CNTNAP5: variants seen among roughly 807,000 people sequenced by gnomAD.
CNTNAP5 encodes contactin associated protein family member 5.
A neutral mutation model predicts 150.2 loss-of-function variants in CNTNAP5; 72 were observed. The observed-to-expected ratio is 0.48, with a 90% CI of 0.40 to 0.58. The LOEUF is 0.58. CNTNAP5 is among the 20% of genes least tolerant of loss of function. The pLI is 0.00. For missense variants in CNTNAP5, 1,636 were observed against 1,626.2 expected (o/e 1.01, Z -0.10); for synonymous variants, 672 against 619.8 (o/e 1.08, Z -1.25).
chr2:124,547,241 C>T (rs999971706), intron 10 of CNTNAP5, among the ~76,000 whole-genome samples: 2 of 152,028 alleles, frequency 1.3e-5, no homozygotes, highest in African/African-American at 4.8e-5. Context: ...ACATCAGCCA[C>T]AGGAGTAGCA....
Position 124,145,846 on chromosome 2 carries a change from A to AAAT in CNTNAP5, c.83-75859_83-75858insAAT, listed in dbSNP as rs1684238676. Among the ~76,000 whole-genome samples, 8 of 145,324 alleles carry AAAT rather than the reference A, an allele frequency of 5.5e-5. No individual in the cohort carries two copies. In the South Asian group the frequency reaches 1.8e-3, roughly 32 times the overall value. Reference sequence around the variant, plus strand: ...AAAAAAAAGAAGAAAAAAAAAAAAAATAAAATATATTTAATGGGATTTGGA... The same window carrying AAAT: ...AAAAAAAAGAAGAAAAAAAAAAAAAAAATTAAAATATATTTAATGGGATTTGGA... On this transcript the variant is annotated intron_variant, in intron 1 of 23. Coordinates refer to ENST00000682447, the MANE Select transcript of CNTNAP5 (RefSeq NM_001367498.1).
At chr2:124,713,268 TC>T (rs1679856557) in intron 13 of CNTNAP5, among the ~76,000 whole-genome samples, 4 of 125,610 alleles carry the variant, frequency 3.2e-5, no homozygotes, top group Non-Finnish European at 5.3e-5. Context: ...TTTCTTTCTT[TC>T]TTTCTTTCTT....
intron 1 of CNTNAP5, among the ~76,000 whole-genome samples, chr2:124,050,983 G>A (rs1004127591): frequency 6.6e-6 from 1 of 152,076 alleles, no homozygotes; most frequent in Non-Finnish European, 1.5e-5. Flanking sequence ...AATTTTCCTG[G>A]ACTGTAGCAT....
At chr2:124,796,302 T>C (rs918500890) in intron 18 of CNTNAP5, among the ~76,000 whole-genome samples, 2 of 152,240 alleles carry the variant, frequency 1.3e-5, no homozygotes, top group African/African-American at 4.8e-5. Context: ...CAGAATGCTC[T>C]GAATTTTACT....
intron 13 of CNTNAP5, among the ~76,000 whole-genome samples, chr2:124,660,043 A>AAGGAAGAAAGG (rs1558724333): frequency 7.6e-6 from 1 of 130,838 alleles, no homozygotes; most frequent in Non-Finnish European, 1.6e-5. Flanking sequence ...AGGAAGGAAG[A>AAGGAAGAAAGG]AAGGAAGGAA....
At chr2:124,215,712 C>CAAAAAAAAAAAAAAAA (rs397985759) in intron 1 of CNTNAP5, among the ~76,000 whole-genome samples, 1 of 82,060 alleles carries the variant, frequency 1.2e-5, no homozygotes, top group Non-Finnish European at 2.5e-5. Flanking sequence ...AGAAGAAAGG[C>CAAAAAAAAAAAAAAAA]AAAAAAAAAA....
chr2:124,107,881 A>G (rs558573293), intron 1 of CNTNAP5, among the ~76,000 whole-genome samples: 2 of 152,202 alleles, frequency 1.3e-5, no homozygotes, highest in Non-Finnish European at 2.9e-5. Flanking sequence ...TATATGTAAG[A>G]TGTGCATTGG....
intron 2 of CNTNAP5, among the ~76,000 whole-genome samples, chr2:124,237,365 G>T (rs971557872): frequency 1.3e-5 from 2 of 152,128 alleles, no homozygotes; most frequent in African/African-American, 2.4e-5. Context: ...GGAAATAAGT[G>T]TAGAAACTGA....
intron 11 of CNTNAP5, among the ~76,000 whole-genome samples, chr2:124,575,441 G>A (rs1217270843): frequency 6.6e-6 from 1 of 152,046 alleles, no homozygotes; most frequent in Non-Finnish European, 1.5e-5. Flanking sequence ...AACGCTCTTG[G>A]GTCACAAACC....
chr2:124,377,241 T>C (rs10496629), intron 3 of CNTNAP5, among the ~76,000 whole-genome samples: 98,260 of 151,948 alleles, frequency 0.65, 32,294 homozygotes, highest in African/African-American at 0.69. Context: ...TACATTATTT[T>C]TGCTTTAATA....
intron 18 of CNTNAP5, among the ~76,000 whole-genome samples, chr2:124,797,869 C>G (rs563362307): frequency 3.9e-5 from 6 of 152,322 alleles, no homozygotes; most frequent in African/African-American, 1.2e-4. Context: ...TCTGGCTATG[C>G]AACCCTGTTC....
At chr2:124,306,315 G>A (rs1439758127) in intron 3 of CNTNAP5, among the ~76,000 whole-genome samples, 1 of 152,124 alleles carries the variant, frequency 6.6e-6, no homozygotes, top group African/African-American at 2.4e-5. Context: ...TTCACTCCCA[G>A]GCAGATCTTT....
chr2:124,155,961 A>T (rs1406659), intron 1 of CNTNAP5, among the ~76,000 whole-genome samples: 147,511 of 152,292 alleles, frequency 0.97, 71,617 homozygotes, highest in East Asian at 1. Flanking sequence ...CCTTTGCTCC[A>T]CTGGAGATAA....
intron 13 of CNTNAP5, among the ~76,000 whole-genome samples, chr2:124,704,957 C>T (rs1679602514): frequency 6.6e-6 from 1 of 152,168 alleles, no homozygotes; most frequent in Admixed American, 6.5e-5. Flanking sequence ...CTCATGGAGA[C>T]ACTCCTATGT....
At position 124,643,503 on chromosome 2, in the gene CNTNAP5, A is replaced by T. The variant is rs1022055427; in HGVS notation, c.1877-4255A>T. Among the ~76,000 whole-genome samples the T allele has an allele frequency of 2.0e-5, 3 of 152,218 alleles. No homozygotes were observed. The East Asian group carries it at 5.8e-4, about 29-fold the overall frequency. ...ATTCTATAGTGGAAAAAAAAAACTT[A>T]ACAAGGTGGTAATAATTTAGTATAT... is the stretch of plus-strand genomic sequence containing the variant. On this transcript the variant is annotated intron_variant, in intron 12 of 23. Transcript: ENST00000682447.
chr2:124,256,916 AT>A (rs1687328952), intron 3 of CNTNAP5, among the ~76,000 whole-genome samples: 2 of 152,176 alleles, frequency 1.3e-5, no homozygotes, highest in Non-Finnish European at 1.5e-5. Context: ...GTACTTAAGG[AT>A]CTAAAGGCAA....
intron 1 of CNTNAP5, among the ~76,000 whole-genome samples, chr2:124,216,114 A>G (rs1686148844): frequency 6.6e-6 from 1 of 152,186 alleles, no homozygotes; most frequent in Non-Finnish European, 1.5e-5. Context: ...AATGTAAAGC[A>G]AAGTTACGCA....
intron 12 of CNTNAP5, among the ~76,000 whole-genome samples, chr2:124,631,717 C>T (rs1388542227): frequency 6.6e-6 from 1 of 152,128 alleles, no homozygotes; most frequent in Admixed American, 6.6e-5. Flanking sequence ...CAAAAATTGA[C>T]AAATGGGATC....
At chr2:124,436,629 G>C (rs1692537171) in intron 5 of CNTNAP5, among the ~76,000 whole-genome samples, 1 of 152,096 alleles carries the variant, frequency 6.6e-6, no homozygotes. Flanking sequence ...ACTGTGCTAT[G>C]CTGGCTTTTC....
Sources: allele counts gnomAD v4.1 joint callset (sites outside exome capture counted in the v4.1 genomes callset), GRCh38; gene constraint gnomAD v4.1.1; transcripts MANE v1.5; gene names NCBI Gene and HGNC (gene_info 2026-07-23, HGNC 2026-07-21).